The following ADCK1 variants were observed in gnomAD, a reference collection of about 807,000 sequenced individuals.
ADCK1 encodes the protein aarF domain containing kinase 1.
ADCK1 carries 41 observed loss-of-function variants against 52.3 expected under a neutral mutation model. The observed-to-expected ratio is 0.78, with a 90% CI of 0.61 to 1.02. ADCK1 has a LOEUF of 1.02. Among genes scored for constraint, ADCK1 ranks in the 50% least tolerant of loss-of-function variants. The probability of loss-of-function intolerance (pLI) is 0.00; values close to 1 mark genes in which losing one functional copy is unlikely to be tolerated. For synonymous variants in ADCK1, 250 were observed against 274.6 expected, an observed-to-expected ratio of 0.91 and a Z score of 0.89; for missense variants, 658 against 679.5, an observed-to-expected ratio of 0.97 and a Z score of 0.35.
intron 3 of ADCK1, among the ~76,000 whole-genome samples, chr14:77,835,540 G>T (rs1259755955): frequency 1.3e-5 from 2 of 152,336 alleles, no homozygotes; most frequent in East Asian, 3.9e-4. Flanking sequence ...CAGCACCCAG[G>T]TGGTTCACAA....
chr14:77,879,653 T>C (rs1166200597), intron 4 of ADCK1, among the ~76,000 whole-genome samples: 1 of 152,158 alleles, frequency 6.6e-6, no homozygotes, highest in Non-Finnish European at 1.5e-5. Context: ...AGAAGTGACA[T>C]GATCAGCTTA....
At chr14:77,800,608 G>T (rs1258192123) in intron 1 of ADCK1, among the ~76,000 whole-genome samples, 1 of 152,222 alleles carries the variant, frequency 6.6e-6, no homozygotes, top group Non-Finnish European at 1.5e-5. Flanking sequence ...AGGGGGCGAT[G>T]CCCATATCCT....
intron 3 of ADCK1, among the ~76,000 whole-genome samples, chr14:77,850,376 CAT>C (rs1399169240): frequency 5.9e-5 from 9 of 152,146 alleles, no homozygotes; most frequent in African/African-American, 2.2e-4. Flanking sequence ...TTTGTTATAT[CAT>C]GTATTGAGAA....
At chr14:77,851,720 T>G (rs2082288374) in intron 3 of ADCK1, among the ~76,000 whole-genome samples, 1 of 152,160 alleles carries the variant, frequency 6.6e-6, no homozygotes, top group Admixed American at 6.6e-5. Flanking sequence ...CTTCAAAGAG[T>G]ATAAGAATCT....
intron 6 of ADCK1, among the ~76,000 whole-genome samples, chr14:77,904,540 G>A (rs997244043): frequency 8.5e-5 from 13 of 152,368 alleles, no homozygotes; most frequent in East Asian, 3.9e-4. Context: ...AGCCTGTTTC[G>A]TGGGCATGTT....
chr14:77,907,779 C>G, intron 6 of ADCK1, 24 bp from the exon 7 acceptor site: 3 of 1,582,154 alleles, frequency 1.9e-6, no homozygotes, highest in Non-Finnish European at 2.6e-6. Context: ...CCCAGACCAT[C>G]TGACCTGTCC....
chr14:77,878,948 C>T (rs747382654), intron 4 of ADCK1, among the ~76,000 whole-genome samples: 1 of 151,980 alleles, frequency 6.6e-6, no homozygotes. Context: ...TGAATGACAG[C>T]TCTACTGGAT....
chr14:77,872,445 C>T (rs532762974), intron 4 of ADCK1, among the ~76,000 whole-genome samples: 1 of 152,122 alleles, frequency 6.6e-6, no homozygotes, highest in African/African-American at 2.4e-5. Context: ...TGGCCTCTGA[C>T]CTGTGTTCCC....
chr14:77,866,099 A>G (rs2082655033), intron 4 of ADCK1, among the ~76,000 whole-genome samples: 1 of 152,206 alleles, frequency 6.6e-6, no homozygotes, highest in Admixed American at 6.5e-5. Flanking sequence ...TGTGAACATC[A>G]TAGAGTACTT....
intron 3 of ADCK1, among the ~76,000 whole-genome samples, chr14:77,836,129 C>G (rs1157269314): frequency 6.6e-6 from 1 of 152,216 alleles, no homozygotes; most frequent in Non-Finnish European, 1.5e-5. Flanking sequence ...TACCTTCCCT[C>G]TCTCCCTCTC....
intron 3 of ADCK1, 73 bp from the exon 4 acceptor site, chr14:77,859,003 G>A (rs2082484077): frequency 2.8e-6 from 4 of 1,404,522 alleles, no homozygotes; most frequent in African/African-American, 1.4e-5. Flanking sequence ...AGCAGAGCAG[G>A]AAGGTGAAGG....
At chr14:77,906,791 T>C (rs1256357357) in intron 6 of ADCK1, among the ~76,000 whole-genome samples, 6 of 151,890 alleles carry the variant, frequency 4.0e-5, no homozygotes, top group Admixed American at 1.3e-4. Context: ...AAATACCCCC[T>C]TTTTTTTAAA....
At chr14:77,915,383 T>G (rs1254192501) in intron 7 of ADCK1, among the ~76,000 whole-genome samples, 1 of 141,970 alleles carries the variant, frequency 7.0e-6, no homozygotes, top group Non-Finnish European at 1.5e-5. Flanking sequence ...ATGTTCCCCT[T>G]CCTGTGTTCA....
In ADCK1 at chr14:77,877,624, T is replaced by G. The variant is rs1489427765; in HGVS notation, c.424-9467T>G. Among the ~76,000 whole-genome samples the G allele has an allele frequency of 2.0e-5, 3 of 152,316 alleles. No homozygotes were observed. The East Asian group carries it at 5.8e-4, about 29-fold the overall frequency. On this transcript the variant is annotated intron_variant, in intron 4 of 10. Transcript: ENST00000238561. ...CTTTTGTATTTCTGGCTCTCTCCAGTCTCTGTGTCTCATTCTCCTTATTCA... is the reference window on the plus strand; with the variant it reads ...CTTTTGTATTTCTGGCTCTCTCCAGGCTCTGTGTCTCATTCTCCTTATTCA...
At chr14:77,832,012 G>A (rs1280689217) in intron 3 of ADCK1, among the ~76,000 whole-genome samples, 1 of 144,182 alleles carries the variant, frequency 6.9e-6, no homozygotes, top group East Asian at 2.1e-4. Context: ...GAGTCTCACT[G>A]TATCACCCAG....
chr14:77,821,366 C>T (rs1222282595), intron 2 of ADCK1, among the ~76,000 whole-genome samples: 1 of 152,136 alleles, frequency 6.6e-6, no homozygotes, highest in Non-Finnish European at 1.5e-5. Context: ...GGTTGGTGTC[C>T]AGCAAGCATA....
chr14:77,879,384 C>T (rs929754205), intron 4 of ADCK1, among the ~76,000 whole-genome samples: 7 of 152,130 alleles, frequency 4.6e-5, no homozygotes, highest in Non-Finnish European at 1.0e-4. Context: ...TGAGAATGTA[C>T]GCAGGGGAGA....
chr14:77,861,736 G>A (rs1435107818), intron 4 of ADCK1, among the ~76,000 whole-genome samples: 2 of 152,216 alleles, frequency 1.3e-5, no homozygotes, highest in Non-Finnish European at 2.9e-5. Context: ...TGCTTGGATG[G>A]TCAACAGCAG....
At chr14:77,909,644 C>T (rs1249101823) in intron 7 of ADCK1, among the ~76,000 whole-genome samples, 2 of 152,160 alleles carry the variant, frequency 1.3e-5, no homozygotes, top group African/African-American at 4.8e-5. Flanking sequence ...GTATCTGCCT[C>T]TAAGAGGGGC....
Sources: gnomAD v4.1 joint callset for allele counts (sites outside exome capture counted in the v4.1 genomes callset) on GRCh38, gnomAD v4.1.1 for gene constraint, MANE v1.5 for transcripts, NCBI Gene and HGNC (gene_info 2026-07-23, HGNC 2026-07-21) for gene names.